The following GTF2I variants were observed in gnomAD, a reference collection of about 807,000 sequenced individuals.
GTF2I encodes the protein general transcription factor II-I.
In GTF2I, 12 loss-of-function variants were observed where a neutral mutation model predicts 67.6. That is an observed-to-expected ratio of 0.18 (90% CI 0.11 to 0.29). GTF2I has a LOEUF of 0.29. Ranked by LOEUF, GTF2I falls within the 10% of genes least tolerant of loss-of-function variation. GTF2I has a pLI of 1.00. For missense variants in GTF2I, 271 were observed against 580.1 expected (o/e 0.47, Z 5.47); for synonymous variants, 149 against 197.0 (o/e 0.76, Z 2.04).
At chr7:74,663,235 C>T (rs182388704) in intron 1 of GTF2I, among the ~76,000 whole-genome samples, 3 of 152,270 alleles carry the variant, frequency 2.0e-5, no homozygotes, top group Admixed American at 2.0e-4. Flanking sequence ...TGTTTTACCA[C>T]TGGCTTAAAT....
chr7:74,749,894 C>CAAAAAA (rs1159090377), intron 26 of GTF2I, among the ~76,000 whole-genome samples: 7 of 77,768 alleles, frequency 9.0e-5, no homozygotes, highest in South Asian at 4.4e-4. Flanking sequence ...ATCTCAAAAA[C>CAAAAAA]AAAAAAAAAA....
chr7:74,698,222 A>G (rs200715104), intron 3 of GTF2I, among the ~76,000 whole-genome samples: 1 of 151,230 alleles, frequency 6.6e-6, no homozygotes, highest in Non-Finnish European at 1.5e-5. Flanking sequence ...CCCAAAGTGC[A>G]GGGATTACAG....
chr7:74,659,228 TTC>T (rs1490285909), intron 1 of GTF2I, among the ~76,000 whole-genome samples: 1 of 151,988 alleles, frequency 6.6e-6, no homozygotes, highest in African/African-American at 2.4e-5. Flanking sequence ...CGGCTTAATT[TTC>T]TTTTTTTTTT....
intron 1 of GTF2I, among the ~76,000 whole-genome samples, chr7:74,673,098 G>C (rs1805600014): frequency 6.6e-6 from 1 of 152,126 alleles, no homozygotes. Flanking sequence ...CTGACCTCAT[G>C]ATCTGCCCGC....
At chr7:74,722,052 G>A (rs1188070452) in intron 12 of GTF2I, among the ~76,000 whole-genome samples, 1 of 151,822 alleles carries the variant, frequency 6.6e-6, no homozygotes, top group Non-Finnish European at 1.5e-5. Flanking sequence ...CAAATCATTG[G>A]TAGAAAAAAA....
chr7:74,698,272 G>A (rs587724676), intron 3 of GTF2I, among the ~76,000 whole-genome samples: 2 of 150,584 alleles, frequency 1.3e-5, no homozygotes, highest in South Asian at 2.1e-4. Flanking sequence ...TGTATTTTTA[G>A]TAGAGACGGT....
intron 15 of GTF2I, among the ~76,000 whole-genome samples, chr7:74,733,400 T>A (rs1794648205): frequency 7.4e-6 from 1 of 134,430 alleles, no homozygotes; most frequent in Admixed American, 7.8e-5. Context: ...GGATACATGC[T>A]CCATGAAGCA....
chr7:74,735,653 C>T (rs1429324435), intron 17 of GTF2I, 121 bp downstream of exon 17: 21 of 450,976 alleles, frequency 4.7e-5, no homozygotes, highest in Admixed American at 1.2e-4. Flanking sequence ...TTAGTTTTCC[C>T]TGTTTTTTTT....
chr7:74,681,779 G>A (rs587761528), intron 1 of GTF2I, among the ~76,000 whole-genome samples: 1 of 152,240 alleles, frequency 6.6e-6, no homozygotes, highest in South Asian at 2.1e-4. Context: ...AGACGTGGTG[G>A]TGCACGCCTG....
chr7:74,666,811 C>CAAAA (rs61609037), intron 1 of GTF2I, among the ~76,000 whole-genome samples: 1 of 129,160 alleles, frequency 7.7e-6, no homozygotes, highest in Non-Finnish European at 1.7e-5. Context: ...ACTAAAAATA[C>CAAAA]AAAAAAAAAA....
At chr7:74,696,335 C>A (rs1788897013) in intron 3 of GTF2I, among the ~76,000 whole-genome samples, 1 of 150,054 alleles carries the variant, frequency 6.7e-6, no homozygotes, top group South Asian at 2.1e-4. Context: ...AATTCTCCTT[C>A]TTCTCTTTTT....
chr7:74,696,701 G>A (rs1788954813), intron 3 of GTF2I, among the ~76,000 whole-genome samples: 1 of 151,786 alleles, frequency 6.6e-6, no homozygotes, highest in Non-Finnish European at 1.5e-5. Flanking sequence ...CACCATGTTG[G>A]CCAGACTGAT....
chr7:74,696,404 G>T (rs1788910083), intron 3 of GTF2I, among the ~76,000 whole-genome samples: 5 of 151,842 alleles, frequency 3.3e-5, no homozygotes, highest in Admixed American at 2.6e-4. Context: ...TTGGCTCACT[G>T]CAACTTCTGC....
At chr7:74,701,088 G>A (rs587773654) in intron 6 of GTF2I, among the ~76,000 whole-genome samples, 3 of 152,306 alleles carry the variant, frequency 2.0e-5, no homozygotes, top group South Asian at 4.1e-4. Flanking sequence ...AGAAAGTGCT[G>A]TGGATGTTAT....
chr7:74,719,809 A>C (rs1162834679), intron 12 of GTF2I, among the ~76,000 whole-genome samples: 5 of 152,152 alleles, frequency 3.3e-5, no homozygotes, highest in Non-Finnish European at 5.9e-5. Flanking sequence ...AATCCCAGCC[A>C]CTTGGGAGGC....
intron 9 of GTF2I, 43 bp from the exon 10 acceptor site, chr7:74,714,814 T>C: frequency 7.3e-7 from 1 of 1,378,202 alleles, no homozygotes; most frequent in South Asian, 1.3e-5. Context: ...ACATTTTTTT[T>C]TGGGGGGGAT....
chr7:74,727,448 G>A (rs183068398), intron 12 of GTF2I: 1 of 152,308 alleles, frequency 6.6e-6, no homozygotes, highest in African/African-American at 2.4e-5. Flanking sequence ...CACACACACA[G>A]TCTGATCTCA....
chr7:74,683,075 G>A (rs1787399352), intron 1 of GTF2I, among the ~76,000 whole-genome samples: 1 of 152,168 alleles, frequency 6.6e-6, no homozygotes, highest in Non-Finnish European at 1.5e-5. Flanking sequence ...TAGGATAGGA[G>A]ATAGAGAATG....
Position 74,679,062 on chromosome 7 carries a change from G to A in GTF2I, c.-5-10062G>A, listed in dbSNP as rs984977378. 8.1e-5 allele frequency among the ~76,000 whole-genome samples: 12 copies of A among 147,572 alleles called. No homozygotes were observed. In the South Asian group the frequency reaches 1.5e-3, roughly 19 times the overall value. ...TGGGATTACAGGCATGAGCCACCGC[G>A]CCCAGCTATATTTTTAAAAATTTTT... On this transcript the variant is annotated intron_variant, in intron 1 of 34. Coordinates refer to ENST00000573035, the MANE Select transcript of GTF2I (RefSeq NM_032999.4).
Sources: gnomAD v4.1 joint callset for allele counts (sites outside exome capture counted in the v4.1 genomes callset) on GRCh38, gnomAD v4.1.1 for gene constraint, MANE v1.5 for transcripts, NCBI Gene and HGNC (gene_info 2026-07-23, HGNC 2026-07-21) for gene names.